DNAH14: variants seen among roughly 807,000 people sequenced by gnomAD.
The protein encoded by DNAH14 is axonemal beta dynein heavy chain 14.
DNAH14 carries 478 observed loss-of-function variants against 520.9 expected under a neutral mutation model. The observed-to-expected ratio is 0.92, with a 90% CI of 0.85 to 0.99. The LOEUF (loss-of-function observed/expected upper bound fraction) is 0.99. Among genes scored for constraint, DNAH14 ranks in the 50% least tolerant of loss-of-function variants. DNAH14 has a pLI of 0.00. For missense variants in DNAH14, 4,831 were observed against 5,234.5 expected (o/e 0.92, Z 2.38); for synonymous variants, 1,581 against 1,757.2 (o/e 0.90, Z 2.51).
intron 27 of DNAH14, among the ~76,000 whole-genome samples, chr1:225,130,352 A>G (rs1409557370): frequency 1.3e-5 from 2 of 152,144 alleles, no homozygotes; most frequent in Admixed American, 1.3e-4. Context: ...TCATGCTGCT[A>G]TAAAGACACA....
At chr1:225,054,908 C>A (rs2068880311) in intron 17 of DNAH14, among the ~76,000 whole-genome samples, 1 of 151,988 alleles carries the variant, frequency 6.6e-6, no homozygotes, top group Admixed American at 6.6e-5. Flanking sequence ...TAATAATTAT[C>A]TTTTAAAAAG....
chr1:224,995,337 T>A (rs556165618), intron 8 of DNAH14, among the ~76,000 whole-genome samples: 2 of 152,268 alleles, frequency 1.3e-5, no homozygotes, highest in Non-Finnish European at 2.9e-5. Context: ...AGGGGTTGTT[T>A]TTTTTTCCCC....
chr1:225,388,167 CG>C (rs1234192998), intron 81 of DNAH14, among the ~76,000 whole-genome samples: 3 of 152,092 alleles, frequency 2.0e-5, no homozygotes, highest in African/African-American at 7.2e-5. Context: ...AGCTTCCAAG[CG>C]TTTTATCCAA....
At chr1:225,061,083 T>G (rs1440287734) in intron 17 of DNAH14, among the ~76,000 whole-genome samples, 2 of 152,152 alleles carry the variant, frequency 1.3e-5, no homozygotes, top group Non-Finnish European at 2.9e-5. Flanking sequence ...TCTGCTGCCT[T>G]TTGTTTTGGC....
chr1:225,314,801 G>C (rs531662626), intron 60 of DNAH14, among the ~76,000 whole-genome samples: 1 of 152,336 alleles, frequency 6.6e-6, no homozygotes, highest in East Asian at 1.9e-4. Context: ...TCTGCAGAGA[G>C]ATCCACTGTT....
intron 7 of DNAH14, 103 bp from the exon 8 acceptor site, chr1:224,973,988 A>G: frequency 1.6e-6 from 1 of 643,504 alleles, no homozygotes; most frequent in Non-Finnish European, 2.3e-6. Flanking sequence ...TGAATGAAAT[A>G]TGTTCTAGAG....
chr1:224,932,547 T>A (rs151136037), intron 1 of DNAH14, among the ~76,000 whole-genome samples: 1 of 151,386 alleles, frequency 6.6e-6, no homozygotes, highest in Non-Finnish European at 1.5e-5. Context: ...TCCAGGAGAG[T>A]TTTCCCTAGT....
chr1:225,089,071 A>G (rs1043934596), intron 21 of DNAH14, among the ~76,000 whole-genome samples: 6 of 151,562 alleles, frequency 4.0e-5, no homozygotes, highest in Non-Finnish European at 7.4e-5. Flanking sequence ...CTTTTTCAGA[A>G]AAGTGTAGAG....
At chr1:225,272,209 A>C (rs1574434686) in intron 51 of DNAH14, 136 bp downstream of exon 51, 392 of 810,170 alleles carry the variant, frequency 4.8e-4, no homozygotes, top group Non-Finnish European at 6.6e-4. Flanking sequence ...AGCTTATCTC[A>C]TGAGTTAGTT....
In DNAH14 at chr1:225,079,301, A is replaced by G. The variant is rs1419325323; in HGVS notation, c.2519A>G (p.Lys840Arg). ...ATTTTTTTGAATGCAATTTCCTCAA[A>G]AATATCTAAATTAGAAAAAGAGTTC... ...HFIFLNAISS[K>R]ISKLEKEFLT... Residue 840 changes from lysine to arginine, a missense_variant, in exon 18 of 86, where the codon AAA (lysine) becomes AGA (arginine). Physicochemically the swap from Lys to Arg is conservative, Grantham distance 26. Coordinates refer to ENST00000682510, the MANE Select transcript of DNAH14 (RefSeq NM_001367479.1). The G allele has an allele frequency of 6.5e-7, 1 of 1,549,902 alleles. No individual in the cohort carries two copies. The highest frequency in any genetic ancestry group is 2.4e-5 in the East Asian group (1 of 40,832).
intron 36 of DNAH14, among the ~76,000 whole-genome samples, chr1:225,175,120 A>G (rs2149256306): frequency 6.6e-6 from 1 of 152,302 alleles, no homozygotes; most frequent in Non-Finnish European, 1.5e-5. Flanking sequence ...CATCAAGGAT[A>G]TTAGTCAGTG....
chr1:225,079,565 T>A lies in DNAH14; in HGVS notation c.2766+17T>A, dbSNP rs757596944. ...AAAGCCAAGGTAAGTTTTTAGGGTT[T>A]TTTTGGATTTTTTTTTTATTAAAAA... is the stretch of plus-strand genomic sequence containing the variant. On this transcript the variant is annotated intron_variant, in intron 18 of 85. Transcript: ENST00000682510. 34 of 1,493,178 alleles carry A rather than the reference T, an allele frequency of 2.3e-5. No individual in the cohort carries two copies. Among genetic ancestry groups the A allele is most frequent in the Non-Finnish European group, 3.0e-5 (34 of 1,127,016 alleles). 92.5% of individuals were successfully genotyped at this position (1,493,178 alleles called of 1,614,324 possible).
rs1484225064 is a variant in DNAH14 at position 225,100,762 on chromosome 1, A to G, written c.3745A>G (p.Lys1249Glu). Residue 1249 changes from lysine to glutamate, a missense_variant, in exon 23 of 86, where the codon AAA (lysine) becomes GAA (glutamate). Physicochemically the swap from Lys to Glu is moderately conservative, Grantham distance 56. Coordinates refer to ENST00000682510, the MANE Select transcript of DNAH14 (RefSeq NM_001367479.1). Reference protein sequence around the residue: ...ELFSQVISMWKKIMSKIQNKQ... With the variant: ...ELFSQVISMWEKIMSKIQNKQ... ...TTTCTCTCAAGTGATTTCCATGTGG[A>G]AAAAAATAATGTCAAAAATACAAAA... The G allele has an allele frequency of 2.0e-6, 3 of 1,536,508 alleles. No homozygotes were observed. The highest frequency in any genetic ancestry group is 2.6e-6 in the Non-Finnish European group (3 of 1,142,362).
chr1:225,243,133 C>A (rs2092069366), intron 43 of DNAH14, among the ~76,000 whole-genome samples: 1 of 152,082 alleles, frequency 6.6e-6, no homozygotes, highest in South Asian at 2.1e-4. Context: ...AAATAAATTG[C>A]CTTAATTTAT....
In DNAH14 at chr1:225,170,418, G is replaced by C. The variant is rs539921207; in HGVS notation, c.5535+2390G>C. On this transcript the variant is annotated intron_variant, in intron 36 of 85. Coordinates refer to ENST00000682510, the MANE Select transcript of DNAH14 (RefSeq NM_001367479.1). ...CACATAGGCTAAAAATAAAGGGATG[G>C]AGGGAGATCTACCAAGCAAATGGAA... 2.6e-5 allele frequency among the ~76,000 whole-genome samples: 4 copies of C among 152,192 alleles called. No homozygotes were observed. In the East Asian group the frequency reaches 7.7e-4, roughly 29 times the overall value.
intron 81 of DNAH14, among the ~76,000 whole-genome samples, chr1:225,385,640 A>G (rs1019961018): frequency 6.6e-6 from 1 of 152,248 alleles, no homozygotes; most frequent in East Asian, 1.9e-4. Context: ...TTGCTTCAAA[A>G]AGAATAAAAT....
At chr1:224,942,525 G>C (rs1193635672) in intron 1 of DNAH14, among the ~76,000 whole-genome samples, 1 of 152,136 alleles carries the variant, frequency 6.6e-6, no homozygotes, top group Non-Finnish European at 1.5e-5. Flanking sequence ...GCCCTGGCCA[G>C]AACTGCCAAC....
chr1:225,289,048 G>A (rs1432027274), intron 54 of DNAH14, among the ~76,000 whole-genome samples: 1 of 152,036 alleles, frequency 6.6e-6, no homozygotes, highest in Non-Finnish European at 1.5e-5. Context: ...TCAAGAAGTA[G>A]AAACCATTCA....
intron 2 of DNAH14, among the ~76,000 whole-genome samples, chr1:224,953,395 A>AT (rs1432431469): frequency 2.0e-5 from 3 of 152,126 alleles, no homozygotes; most frequent in African/African-American, 7.2e-5. Flanking sequence ...AATAAATACG[A>AT]TTTTTTAAAA....
Sources: allele counts gnomAD v4.1 joint callset (sites outside exome capture counted in the v4.1 genomes callset), GRCh38; gene constraint gnomAD v4.1.1; transcripts MANE v1.5; gene names NCBI Gene and HGNC (gene_info 2026-07-23, HGNC 2026-07-21).